The following GC variants were observed in gnomAD, a reference collection of about 807,000 sequenced individuals.
GC encodes the protein vitamin D-binding protein.
Under a neutral mutation model 56.7 loss-of-function variants are expected in GC, and 43 were observed. The ratio of observed to expected loss-of-function variants is 0.76; its 90% confidence interval spans 0.59 to 0.98. The LOEUF (loss-of-function observed/expected upper bound fraction) is 0.98, where lower values mean the gene tolerates loss of function less well. Among genes scored for constraint, GC ranks in the 50% least tolerant of loss-of-function variants. The pLI, the probability that GC is intolerant of heterozygous loss-of-function variation, is 0.00. For missense variants in GC, 529 were observed against 545.9 expected (o/e 0.97, Z 0.31); for synonymous variants, 216 against 202.7 (o/e 1.07, Z -0.56).
chr4:71,766,374 A>T (rs1460957383), intron 3 of GC, among the ~76,000 whole-genome samples: 1 of 152,214 alleles, frequency 6.6e-6, no homozygotes, highest in Non-Finnish European at 1.5e-5. Context: ...TTACTGCTTC[A>T]ACAATGATAC....
intron 1 of GC, among the ~76,000 whole-genome samples, chr4:71,775,815 C>G (rs1048065329): frequency 6.6e-6 from 1 of 151,780 alleles, no homozygotes; most frequent in Non-Finnish European, 1.5e-5. Flanking sequence ...AACAAGAAAA[C>G]CAATAACCGA....
intron 1 of GC, among the ~76,000 whole-genome samples, chr4:71,795,972 T>G (rs1743092434): frequency 1.3e-5 from 2 of 152,244 alleles, no homozygotes; most frequent in African/African-American, 4.8e-5. Context: ...TTTAAGAATT[T>G]TGAATATTGG....
chr4:71,803,275 C>G (rs751493204), intron 1 of GC, among the ~76,000 whole-genome samples: 60 of 152,082 alleles, frequency 3.9e-4, no homozygotes, highest in Admixed American at 2.4e-3. Flanking sequence ...ATAAAAAGAG[C>G]TAGTAAAGGA....
chr4:71,775,208 G>A (rs1484140154), intron 1 of GC, among the ~76,000 whole-genome samples: 1 of 151,778 alleles, frequency 6.6e-6, no homozygotes, highest in Non-Finnish European at 1.5e-5. Context: ...TACTAATATT[G>A]CCTTTAAGCA....
At chr4:71,772,926 A>G (rs1742386913) in intron 1 of GC, among the ~76,000 whole-genome samples, 2 of 152,148 alleles carry the variant, frequency 1.3e-5, no homozygotes, top group Admixed American at 6.6e-5. Flanking sequence ...ATGTATGTCA[A>G]TCATTGTCTC....
At chr4:71,765,688 C>T (rs759926480) in intron 3 of GC, 45 bp from the exon 4 acceptor site, 4 of 1,235,180 alleles carry the variant, frequency 3.2e-6, no homozygotes, top group Non-Finnish European at 3.6e-6. Flanking sequence ...ATGTAAATTT[C>T]CAGGCTTTTA....
At chr4:71,744,647 C>T (rs1360845240) in intron 12 of GC, among the ~76,000 whole-genome samples, 1 of 152,038 alleles carries the variant, frequency 6.6e-6, no homozygotes, top group African/African-American at 2.4e-5. Flanking sequence ...ATAACACAGT[C>T]CAGTGAAAAA....
chr4:71,803,987 G>C, exon 1 of GC: 1 of 1,294,210 alleles, frequency 7.7e-7, no homozygotes, highest in Non-Finnish European at 1.1e-6. Context: ...ACCAGTGGTA[G>C]AATAGGTAGA....
chr4:71,756,700 A>AC lies in GC; in HGVS notation c.1034+11dup. 1 of 1,586,388 alleles carries AC rather than the reference A, an allele frequency of 6.3e-7. No individual in the cohort carries two copies. Among genetic ancestry groups the AC allele is most frequent in the Non-Finnish European group, 8.7e-7 (1 of 1,155,024 alleles). ...TAAAATGGGAAAACGTTTTCACATC[A>AC]CCTCTACTTACTTATCCATGACTTT... On this transcript the variant is annotated intron_variant, in intron 8 of 12. Transcript: ENST00000273951.
intron 1 of GC, among the ~76,000 whole-genome samples, chr4:71,798,114 C>T (rs1007221855): frequency 3.9e-5 from 6 of 152,176 alleles, no homozygotes; most frequent in African/African-American, 1.4e-4. Flanking sequence ...TATCCAATTT[C>T]ATTAGATTAT....
intron 6 of GC, chr4:71,759,553 T>C (rs1741896156): frequency 6.6e-6 from 1 of 152,238 alleles, no homozygotes; most frequent in African/African-American, 2.4e-5. Context: ...TAACTAGGCC[T>C]GACCCTGCTT....
intron 11 of GC, among the ~76,000 whole-genome samples, chr4:71,746,410 T>G (rs1316731128): frequency 6.6e-6 from 1 of 151,438 alleles, no homozygotes; most frequent in Non-Finnish European, 1.5e-5. Context: ...GGGCTTAGAG[T>G]CTGCTGGGAA....
intron 1 of GC, among the ~76,000 whole-genome samples, chr4:71,778,800 G>T (rs192318393): frequency 6.6e-6 from 1 of 151,718 alleles, no homozygotes; most frequent in Admixed American, 6.6e-5. Flanking sequence ...TAGTGAGACC[G>T]CTGGCAAGTT....
intron 1 of GC, among the ~76,000 whole-genome samples, chr4:71,800,001 C>A (rs1234586071): frequency 6.6e-6 from 1 of 151,552 alleles, no homozygotes; most frequent in Non-Finnish European, 1.5e-5. Flanking sequence ...TGTCACAGGA[C>A]ATTCATGAAA....
chr4:71,765,349 T>A, intron 4 of GC, 83 bp downstream of exon 4: 1 of 1,044,054 alleles, frequency 9.6e-7, no homozygotes, highest in Non-Finnish European at 1.5e-6. Flanking sequence ...GTAGAAGAGG[T>A]GTTTCCACAG....
At chr4:71,781,885 G>A (rs1410862841) in intron 1 of GC, among the ~76,000 whole-genome samples, 2 of 151,604 alleles carry the variant, frequency 1.3e-5, no homozygotes, top group Admixed American at 6.6e-5. Flanking sequence ...TCCAGTAAAG[G>A]GTCATCTGTA....
At chr4:71,756,604 C>T (rs979439596) in intron 8 of GC, 108 bp downstream of exon 8, 16 of 700,176 alleles carry the variant, frequency 2.3e-5, no homozygotes, top group Admixed American at 2.1e-4. Flanking sequence ...AGTACTTTGC[C>T]TATGTTTGAA....
At chr4:71,757,306 C>T (rs1484679941) in intron 7 of GC, among the ~76,000 whole-genome samples, 2 of 152,020 alleles carry the variant, frequency 1.3e-5, no homozygotes, top group Admixed American at 1.3e-4. Context: ...CAACAGAGTC[C>T]TATTTAGCCA....
chr4:71,778,881 ATTGCTGTCAG>A, intron 1 of GC, among the ~76,000 whole-genome samples: 1 of 103,092 alleles, frequency 9.7e-6, no homozygotes, highest in African/African-American at 3.4e-5. Flanking sequence ...GAAACAGAAT[ATTGCTGTCAG>A]TTATTATTAT....
Sources: allele counts gnomAD v4.1 joint callset (sites outside exome capture counted in the v4.1 genomes callset), GRCh38; gene constraint gnomAD v4.1.1; transcripts MANE v1.5; gene names NCBI Gene and HGNC (gene_info 2026-07-23, HGNC 2026-07-21).